Variants in DYSF observed in about 807,000 individuals in gnomAD.
DYSF encodes dystrophy-associated fer-1-like 1.
DYSF carries 212 observed loss-of-function variants against 274.9 expected under a neutral mutation model. The observed-to-expected ratio is 0.77, with a 90% CI of 0.69 to 0.86. The LOEUF is 0.86. Among genes scored for constraint, DYSF ranks in the 40% least tolerant of loss-of-function variants. The pLI is 0.00. For missense variants in DYSF, 2,666 were observed against 2,783.2 expected, an observed-to-expected ratio of 0.96 and a Z score of 0.95; for synonymous variants, 1,091 against 1,078.7, an observed-to-expected ratio of 1.01 and a Z score of -0.22.
At chr2:71,574,108 A>G (rs1191440124) in intron 29 of DYSF, 90 bp from the exon 30 acceptor site, 13 of 1,523,954 alleles carry the variant, frequency 8.5e-6, no homozygotes, top group African/African-American at 2.7e-5. Context: ...GGGAGTTGTC[A>G]TGGAAGACAG....
In DYSF at chr2:71,679,940, C is replaced by T. The variant is rs552519710; in HGVS notation, c.6063+705C>T. ...TAATTAAATAAAGGGATACAGTAGT[C>T]CCCCCCTTATCTGGAGGAGATATGT... On this transcript the variant is annotated intron_variant, in intron 53 of 55. Coordinates refer to ENST00000410020, the MANE Select transcript of DYSF (RefSeq NM_001130987.2). Among the ~76,000 whole-genome samples, 16 of 152,186 alleles carry T rather than the reference C, an allele frequency of 1.1e-4. No individual in the cohort carries two copies. The South Asian group carries it at 3.3e-3, about 32-fold the overall frequency.
intron 7 of DYSF, among the ~76,000 whole-genome samples, chr2:71,515,077 T>A (rs1309365692): frequency 2.0e-5 from 3 of 152,360 alleles, no homozygotes; most frequent in Middle Eastern, 6.8e-3. Flanking sequence ...AAATTTCATA[T>A]TTTAAAATAT....
intron 42 of DYSF, among the ~76,000 whole-genome samples, chr2:71,653,147 AAGTC>A (rs1339446809): frequency 6.6e-6 from 1 of 152,230 alleles, no homozygotes; most frequent in Non-Finnish European, 1.5e-5. Context: ...GATCATTAAA[AAGTC>A]AGGAAACAAC....
intron 32 of DYSF, among the ~76,000 whole-genome samples, chr2:71,593,207 A>G (rs1183771181): frequency 1.5e-5 from 2 of 134,208 alleles, no homozygotes; most frequent in Admixed American, 9.2e-5. Flanking sequence ...ATCTTGGCTC[A>G]CTGCAACCTC....
In DYSF at chr2:71,674,399, G is replaced by T; in HGVS notation, c.5884+103G>T. ...GGACCCTTGGGGAAGCCTAGCAGGA[G>T]GAGTGATCCCACTTTCTGCTTTCAG... is the stretch of plus-strand genomic sequence containing the variant. On this transcript the variant is annotated intron_variant, in intron 52 of 55. Coordinates refer to ENST00000410020, the MANE Select transcript of DYSF (RefSeq NM_001130987.2). The T allele has an allele frequency of 2.7e-6, 3 of 1,119,870 alleles. 1 individual carries two copies. In the Admixed American group the frequency reaches 5.6e-5, roughly 21 times the overall value. The allele number at this position is 1,119,870 out of a possible 1,614,324, so 69.4% of individuals were successfully genotyped here.
chr2:71,526,415 C>CTGGGGGGGGGGGGGGGGG, intron 13 of DYSF, 69 bp downstream of exon 13: 8 of 411,226 alleles, frequency 1.9e-5, no homozygotes, highest in East Asian at 8.3e-5. Context: ...TGGGGGTGGG[C>CTGGGGGGGGGGGGGGGGG]GATGGCGGGC....
chr2:71,544,658 A>G (rs1160007604), intron 17 of DYSF, among the ~76,000 whole-genome samples: 1 of 151,968 alleles, frequency 6.6e-6, no homozygotes, highest in Non-Finnish European at 1.5e-5. Flanking sequence ...ACGGGGTTTC[A>G]CCATGTGGGC....
At chr2:71,579,361 G>A (rs1223828972) in intron 30 of DYSF, among the ~76,000 whole-genome samples, 5 of 152,212 alleles carry the variant, frequency 3.3e-5, no homozygotes, top group Non-Finnish European at 7.3e-5. Flanking sequence ...GGCAACGTGT[G>A]CTCAGAGTCT....
At chr2:71,467,591 C>T (rs549499509) in intron 1 of DYSF, among the ~76,000 whole-genome samples, 12 of 152,136 alleles carry the variant, frequency 7.9e-5, no homozygotes, top group Non-Finnish European at 1.3e-4. Flanking sequence ...TCTCACCAGG[C>T]GTCCTGAACC....
chr2:71,616,941 C>T lies in DYSF; in HGVS notation c.4464+3531C>T, dbSNP rs562299776. Among the ~76,000 whole-genome samples, 9 of 152,060 alleles carry T rather than the reference C, an allele frequency of 5.9e-5. No homozygotes were observed. The East Asian group carries it at 1.5e-3, about 26-fold the overall frequency. On this transcript the variant is annotated intron_variant, in intron 40 of 55. Transcript: ENST00000410020. Reference sequence around the variant, plus strand: ...TTGTTGTTTTTTTATTAAGGCAGTTCTTGGTGTTATGATTATGATTAGGGG... The same window carrying T: ...TTGTTGTTTTTTTATTAAGGCAGTTTTTGGTGTTATGATTATGATTAGGGG...
At chr2:71,536,059 T>C (rs941940570) in intron 16 of DYSF, among the ~76,000 whole-genome samples, 1 of 152,166 alleles carries the variant, frequency 6.6e-6, no homozygotes, top group African/African-American at 2.4e-5. Context: ...AAAGCCTGCG[T>C]TCCTAACCAC....
intron 33 of DYSF, among the ~76,000 whole-genome samples, chr2:71,599,723 A>G (rs2093498546): frequency 2.0e-5 from 3 of 152,134 alleles, no homozygotes; most frequent in Admixed American, 2.0e-4. Context: ...GTGGGATGAA[A>G]GGGGAGGGGC....
rs796705736 is a variant in DYSF, at chr2:71,565,246, C to CTTTTTT, written c.2565+1046_2565+1051dup. The stretch of plus-strand genomic sequence containing the variant: ...TAGGCGTTTGCCAACCCACCCAGCT[C>CTTTTTT]TTTTTTTTTTTTTTTTTTAATTTTA... On this transcript the variant is annotated intron_variant, in intron 24 of 55. Coordinates refer to ENST00000410020, the MANE Select transcript of DYSF (RefSeq NM_001130987.2). Among the ~76,000 whole-genome samples the CTTTTTT allele has an allele frequency of 1.3e-3, 172 of 131,324 alleles. 4 individuals carry two copies. Among genetic ancestry groups the CTTTTTT allele is most frequent in the African/African-American group, 4.8e-3 (165 of 34,560 alleles). 86.2% of individuals were successfully genotyped at this position (131,324 alleles called of 152,430 possible).
chr2:71,609,085 C>T (rs985249396), intron 36 of DYSF, among the ~76,000 whole-genome samples: 1 of 152,196 alleles, frequency 6.6e-6, no homozygotes, highest in Non-Finnish European at 1.5e-5. Flanking sequence ...CTGCCACCTG[C>T]AGCTGGTGGC....
At chr2:71,478,551 C>T (rs1001237602) in intron 1 of DYSF, among the ~76,000 whole-genome samples, 1 of 152,078 alleles carries the variant, frequency 6.6e-6, no homozygotes, top group African/African-American at 2.4e-5. Flanking sequence ...ATCCTGTGAC[C>T]AAAAAGTTTG....
In DYSF at chr2:71,664,155, T is replaced by C. The variant is rs549746758; in HGVS notation, c.5004-113T>C. On this transcript the variant is annotated intron_variant, in intron 45 of 55. Transcript: ENST00000410020. ...TGGGTGGTTGGGCCTGTAAGATCTGTAGGGGGCCCAAGGAAAGAAGACTCC... is the reference window on the plus strand; with the variant it reads ...TGGGTGGTTGGGCCTGTAAGATCTGCAGGGGGCCCAAGGAAAGAAGACTCC... 2.0e-3 allele frequency: 2,731 copies of C among 1,373,904 alleles called. 6 individuals are homozygous for C. The highest frequency in any genetic ancestry group is 2.5e-3 in the Non-Finnish European group (2,412 of 973,102). 85.1% of individuals were successfully genotyped at this position (1,373,904 alleles called of 1,614,324 possible).
chr2:71,604,358 G>A (rs770516503), intron 36 of DYSF, among the ~76,000 whole-genome samples: 2 of 151,678 alleles, frequency 1.3e-5, no homozygotes, highest in African/African-American at 4.9e-5. Flanking sequence ...AAGTAGGACC[G>A]CAGCAGGGTG....
intron 21 of DYSF, among the ~76,000 whole-genome samples, chr2:71,554,851 C>T (rs1205567388): frequency 6.6e-6 from 1 of 152,106 alleles, no homozygotes; most frequent in East Asian, 1.9e-4. Context: ...CACAGGTGGG[C>T]AGAGGTGTAG....
chr2:71,570,963 C>A, intron 29 of DYSF: 2 of 606,286 alleles, frequency 3.3e-6, no homozygotes, highest in South Asian at 4.0e-5. Flanking sequence ...TCACACCCAG[C>A]ATACACACAG....
Sources: gnomAD v4.1 joint callset for allele counts (sites outside exome capture counted in the v4.1 genomes callset) on GRCh38, gnomAD v4.1.1 for gene constraint, MANE v1.5 for transcripts, NCBI Gene and HGNC (gene_info 2026-07-23, HGNC 2026-07-21) for gene names.